Variants in ATR observed in about 807,000 individuals in gnomAD.
ATR encodes the protein ATR checkpoint kinase.
A neutral mutation model predicts 305.3 loss-of-function variants in ATR; 142 were observed. The ratio of observed to expected loss-of-function variants is 0.47; its 90% CI spans 0.41 to 0.53. The LOEUF (loss-of-function observed/expected upper bound fraction) is 0.53, where lower values mean the gene tolerates loss of function less well. ATR is among the 20% of genes least tolerant of loss of function. The pLI, the probability that ATR is intolerant of heterozygous loss-of-function variation, is 0.00. For synonymous variants in ATR, 1,050 were observed against 1,068.1 expected, an observed-to-expected ratio of 0.98 and a Z score of 0.33; for missense variants, 2,135 against 3,133.1, an observed-to-expected ratio of 0.68 and a Z score of 7.60.
chr3:142,466,707 C>T (rs1249383695), intron 39 of ATR, among the ~76,000 whole-genome samples, 174 bp from the exon 40 acceptor site: 1 of 152,096 alleles, frequency 6.6e-6, no homozygotes, highest in African/African-American at 2.4e-5. Context: ...ATAGTACCTA[C>T]ATCATAGGAT....
intron 2 of ATR, 92 bp from the exon 3 acceptor site, chr3:142,566,353 T>C: frequency 7.1e-7 from 1 of 1,407,936 alleles, no homozygotes; most frequent in Non-Finnish European, 9.9e-7. Context: ...GCAAGGTGCC[T>C]CACTCCTGTA....
Position 142,538,525 on chromosome 3 carries a change from T to C in ATR, c.3682A>G (p.Lys1228Glu), listed in dbSNP as rs769719514. ...TAGTGGAAGATAGCTGCAGTTTCTT[T>C]AGGCTGGATGTGTATAAGAGGTAAC... Reference protein sequence around the residue: ...ALLPLIHIQPKETAAIFHYLI... With the variant: ...ALLPLIHIQPEETAAIFHYLI... Residue 1228 changes from lysine (K) to glutamate (E), a missense_variant, in exon 19 of 47, where the codon AAA (lysine) becomes GAA (glutamate). Lys to Glu is a moderately conservative substitution (Grantham distance 56). Coordinates refer to ENST00000350721, the MANE Select transcript of ATR (RefSeq NM_001184.4). 32 of 1,613,304 alleles carry C rather than the reference T, an allele frequency of 2.0e-5. No homozygotes were observed. The East Asian group carries it at 7.1e-4, about 36-fold the overall frequency.
rs949653613 is a variant in ATR at position 142,485,157 on chromosome 3, T to C, written c.6204A>G (p.Ile2068Met). The change falls in exon 36 of 47, where the codon ATA (isoleucine) becomes ATG (methionine). Residue 2068 changes from isoleucine to methionine, a missense_variant. Coordinates refer to ENST00000350721, the MANE Select transcript of ATR (RefSeq NM_001184.4). ...MEKQGDLIRY[I>M]VLHFGRSLQY... ...ATACTCACCTGCCAAAATGAAGAAC[T>C]ATATACCGGATGAGATCACCTTGCT... 1.1e-5 allele frequency: 18 copies of C among 1,614,170 alleles called. No homozygotes were observed. Among genetic ancestry groups the C allele is most frequent in the Non-Finnish European group, 1.3e-5 (15 of 1,180,022 alleles).
chr3:142,479,387 C>A (rs1032321233), intron 36 of ATR, among the ~76,000 whole-genome samples: 2 of 152,116 alleles, frequency 1.3e-5, no homozygotes, highest in East Asian at 1.9e-4. Context: ...GTTGAAAATT[C>A]TTTTCCTTAA....
At chr3:142,497,335 G>A (rs1026935129) in intron 32 of ATR, 143 bp from the exon 33 acceptor site, 25 of 811,936 alleles carry the variant, frequency 3.1e-5, no homozygotes, top group Non-Finnish European at 4.6e-5. Flanking sequence ...TCCTTGCTAA[G>A]TAAATAATTA....
intron 22 of ATR, 29 bp downstream of exon 22, chr3:142,523,963 CT>C: frequency 6.3e-7 from 1 of 1,597,684 alleles, no homozygotes; most frequent in Non-Finnish European, 8.6e-7. Flanking sequence ...ACAGAGAACT[CT>C]TTTGTCATTC....
intron 45 of ATR, among the ~76,000 whole-genome samples, chr3:142,454,590 C>T (rs1291857347): frequency 1.3e-5 from 2 of 151,232 alleles, no homozygotes; most frequent in Non-Finnish European, 2.9e-5. Flanking sequence ...TACAGGCGCC[C>T]GCCACCTCGC....
At chr3:142,509,796 G>C (rs2032453653) in intron 27 of ATR, among the ~76,000 whole-genome samples, 1 of 151,840 alleles carries the variant, frequency 6.6e-6, no homozygotes, top group Non-Finnish European at 1.5e-5. Context: ...TTGTACTTTT[G>C]AATCATTACA....
intron 36 of ATR, among the ~76,000 whole-genome samples, chr3:142,476,215 T>C: frequency 6.6e-6 from 1 of 152,238 alleles, no homozygotes; most frequent in Non-Finnish European, 1.5e-5. Flanking sequence ...TTCTAGGGTT[T>C]TTACGGTTTT....
chr3:142,480,163 C>T (rs959434354), intron 36 of ATR, among the ~76,000 whole-genome samples: 1 of 152,194 alleles, frequency 6.6e-6, no homozygotes, highest in Non-Finnish European at 1.5e-5. Flanking sequence ...GAGAGGCCCT[C>T]TGATTTTTAG....
At position 142,494,834 on chromosome 3, in the gene ATR, C is replaced by T. The variant is rs75069062; in HGVS notation, c.5899-1523G>A. Among the ~76,000 whole-genome samples the T allele has an allele frequency of 6.6e-3, 998 of 152,128 alleles. 20 individuals carry two copies. Among genetic ancestry groups the T allele is most frequent in the East Asian group, 0.027 (142 of 5,180 alleles). On this transcript the variant is annotated intron_variant, in intron 34 of 46. Coordinates refer to ENST00000350721, the MANE Select transcript of ATR (RefSeq NM_001184.4). The stretch of plus-strand genomic sequence containing the variant: ...ATCTTTTTGAAGGAGCAACATGATT[C>T]GATGTGGATTTTAGAAAGATCACAA...
chr3:142,500,953 T>C (rs547728997), intron 30 of ATR, among the ~76,000 whole-genome samples: 10 of 152,268 alleles, frequency 6.6e-5, no homozygotes, highest in Non-Finnish European at 1.0e-4. Context: ...CGAAGACTTA[T>C]AGCAAAAAGT....
At chr3:142,488,637 T>C (rs2031094723) in intron 35 of ATR, among the ~76,000 whole-genome samples, 1 of 152,228 alleles carries the variant, frequency 6.6e-6, no homozygotes. Flanking sequence ...ATATTAAAAT[T>C]AGTGGAAACA....
chr3:142,549,896 C>A (rs892551942), intron 14 of ATR, among the ~76,000 whole-genome samples: 9 of 152,132 alleles, frequency 5.9e-5, no homozygotes, highest in African/African-American at 2.2e-4. Flanking sequence ...GAATTGCCAA[C>A]GGAACAAATC....
Position 142,484,314 on chromosome 3 carries a change from C to T in ATR, c.6221+826G>A, listed in dbSNP as rs573266497. 2.6e-5 allele frequency among the ~76,000 whole-genome samples: 4 copies of T among 152,292 alleles called. No individual in the cohort carries two copies. In the South Asian group the frequency reaches 8.3e-4, roughly 32 times the overall value. ...AGCTATTTGTCCACTCACATTTCTA[C>T]ATGGTTGTCAATCATGCCCATGTAA... On this transcript the variant is annotated intron_variant, in intron 36 of 46. Coordinates refer to ENST00000350721, the MANE Select transcript of ATR (RefSeq NM_001184.4).
At chr3:142,511,490 T>G (rs1443510423) in intron 27 of ATR, among the ~76,000 whole-genome samples, 2 of 151,862 alleles carry the variant, frequency 1.3e-5, no homozygotes, top group Admixed American at 1.3e-4. Flanking sequence ...ACCCCGTCTC[T>G]ACTAAAAATA....
At chr3:142,539,483 A>T (rs916058905) in intron 18 of ATR, among the ~76,000 whole-genome samples, 125 of 152,226 alleles carry the variant, frequency 8.2e-4, no homozygotes, top group African/African-American at 2.8e-3. Flanking sequence ...TGGATAAAAA[A>T]TAATCAAACT....
Position 142,471,070 on chromosome 3 carries a change from T to C in ATR, c.6222-887A>G, listed in dbSNP as rs150162902. On this transcript the variant is annotated intron_variant, in intron 36 of 46. Coordinates refer to ENST00000350721, the MANE Select transcript of ATR (RefSeq NM_001184.4). ...CCAGAACTTTTTTCATCTTCCCAAATTGGAACCTCGTACCTATTAAACAGT... is the reference window on the plus strand; with the variant it reads ...CCAGAACTTTTTTCATCTTCCCAAACTGGAACCTCGTACCTATTAAACAGT... 7.4e-3 allele frequency among the ~76,000 whole-genome samples: 1,122 copies of C among 152,244 alleles called. 7 individuals carry two copies. Among genetic ancestry groups the C allele is most frequent in the Non-Finnish European group, 0.012 (826 of 68,000 alleles).
In ATR at chr3:142,556,056, A is replaced by G. The variant is rs377450037; in HGVS notation, c.2162T>C (p.Met721Thr). The G allele has an allele frequency of 6.2e-7, 1 of 1,614,144 alleles. No individual in the cohort carries two copies. Among genetic ancestry groups the G allele is most frequent in the Non-Finnish European group, 8.5e-7 (1 of 1,179,972 alleles). The change falls in exon 10 of 47, where the codon ATG (methionine) becomes ACG (threonine). Residue 721 changes from methionine (M) to threonine (T), a missense_variant. This residue lies in a region of ATR where 744 missense variants were observed against 873.2 expected (regional missense o/e 0.85). Transcript: ENST00000350721. ...TGTTAAAGAACTTGTCAGATAAAAC[A>G]TGCCGTGAAGAGTACAGACAAGTTG... Reference protein sequence around the residue: ...LGQLVCTLHGMFYLTSSLTEP... With the variant: ...LGQLVCTLHGTFYLTSSLTEP...
Sources: allele counts gnomAD v4.1 joint callset (sites outside exome capture counted in the v4.1 genomes callset), GRCh38; gene constraint gnomAD v4.1.1; regional missense constraint gnomAD v4.1.1; transcripts MANE v1.5; gene names NCBI Gene and HGNC (gene_info 2026-07-23, HGNC 2026-07-21).